ETV6: variants seen among roughly 807,000 people sequenced by gnomAD.
ETV6 encodes the protein transcription factor ETV6.
Under a neutral mutation model 51.1 loss-of-function variants are expected in ETV6, and 16 were observed. That is an observed-to-expected ratio of 0.31 (90% CI 0.21 to 0.48). The LOEUF is 0.48. Ranked by LOEUF, ETV6 falls within the 20% of genes least tolerant of loss-of-function variation. ETV6 has a pLI of 0.99. For synonymous variants in ETV6, 240 were observed against 224.1 expected (o/e 1.07, Z -0.64); for missense variants, 458 against 594.8 (o/e 0.77, Z 2.39).
At chr12:11,672,243 C>T (rs907548256) in intron 1 of ETV6, among the ~76,000 whole-genome samples, 3 of 152,062 alleles carry the variant, frequency 2.0e-5, no homozygotes, top group East Asian at 1.9e-4. Context: ...CAACCCAAAT[C>T]GAATCGCCTC....
chr12:11,715,519 C>G (rs1358626075), intron 1 of ETV6, among the ~76,000 whole-genome samples: 3 of 152,182 alleles, frequency 2.0e-5, no homozygotes, highest in Admixed American at 1.3e-4. Context: ...GTAACTCACC[C>G]AAGGTTTTGC....
At chr12:11,811,680 G>A (rs1175344861) in intron 2 of ETV6, among the ~76,000 whole-genome samples, 2 of 152,070 alleles carry the variant, frequency 1.3e-5, no homozygotes, top group African/African-American at 4.8e-5. Context: ...TGGTTGGAAC[G>A]AAGCAAAATA....
intron 1 of ETV6, among the ~76,000 whole-genome samples, chr12:11,743,547 G>A (rs1865850147): frequency 6.6e-6 from 1 of 152,122 alleles, no homozygotes; most frequent in African/African-American, 2.4e-5. Flanking sequence ...TGGGCCAGCA[G>A]TGGGGTAGTA....
intron 2 of ETV6, among the ~76,000 whole-genome samples, chr12:11,762,134 G>A (rs1381479375): frequency 6.6e-6 from 1 of 152,156 alleles, no homozygotes; most frequent in Non-Finnish European, 1.5e-5. Flanking sequence ...ATGAGAACTG[G>A]TGCCAGCTCC....
chr12:11,692,036 A>T (rs1410723978), intron 1 of ETV6, among the ~76,000 whole-genome samples: 1 of 152,186 alleles, frequency 6.6e-6, no homozygotes, highest in African/African-American at 2.4e-5. Flanking sequence ...GTCTCCTCCA[A>T]AATTCATGTT....
rs1044989361 is a variant in ETV6 at position 11,887,689 on chromosome 12, A to G, written c.1253+1663A>G. ...CTTGAACCCGGGAGGCAGAGGTTGC[A>G]GTGAGCTGAGATCGCGCCACTGCAC... On this transcript the variant is annotated intron_variant, in intron 7 of 7. Transcript: ENST00000396373. Among the ~76,000 whole-genome samples, 4 of 151,306 alleles carry G rather than the reference A, an allele frequency of 2.6e-5. No individual in the cohort carries two copies. The South Asian group carries it at 8.4e-4, about 32-fold the overall frequency.
intron 1 of ETV6, among the ~76,000 whole-genome samples, chr12:11,652,093 G>A (rs1438737721): frequency 6.6e-6 from 1 of 152,126 alleles, no homozygotes; most frequent in East Asian, 1.9e-4. Flanking sequence ...TTTCCTTATT[G>A]CTTACAACTC....
At chr12:11,839,446 G>C in intron 3 of ETV6, 142 bp downstream of exon 3, 1 of 863,400 alleles carries the variant, frequency 1.2e-6, no homozygotes, top group Non-Finnish European at 1.8e-6. Flanking sequence ...GAAGTTGAAG[G>C]AAGATTATGC....
chr12:11,763,354 CTG>C (rs1175610803), intron 2 of ETV6, among the ~76,000 whole-genome samples: 3 of 152,126 alleles, frequency 2.0e-5, no homozygotes, highest in Non-Finnish European at 4.4e-5. Context: ...ATCCAGGTAT[CTG>C]GGGTTTTATT....
chr12:11,781,527 AAC>A lies in ETV6; in HGVS notation c.163+28950_163+28951del, dbSNP rs1425364691. Among the ~76,000 whole-genome samples the A allele has an allele frequency of 3.9e-5, 6 of 152,222 alleles. 1 individual carries two copies. The South Asian group carries it at 1.0e-3, about 26-fold the overall frequency. On this transcript the variant is annotated intron_variant, in intron 2 of 7. Coordinates refer to ENST00000396373, the MANE Select transcript of ETV6 (RefSeq NM_001987.5). ...CAGCTTTGCCATTTACCCAAAATGA[AAC>A]AGTTACTTTAACAGTATTTTTCGTC... is the stretch of plus-strand genomic sequence containing the variant.
intron 2 of ETV6, among the ~76,000 whole-genome samples, chr12:11,825,220 A>G (rs1342629038): frequency 6.6e-6 from 1 of 152,260 alleles, no homozygotes. Flanking sequence ...GAAAGAATTA[A>G]AAGTAAAAGA....
chr12:11,805,350 C>T (rs939523326), intron 2 of ETV6, among the ~76,000 whole-genome samples: 1 of 152,220 alleles, frequency 6.6e-6, no homozygotes, highest in Non-Finnish European at 1.5e-5. Flanking sequence ...GCCATTGTTT[C>T]CTCTCCCATT....
chr12:11,813,112 G>C (rs996306976), intron 2 of ETV6, among the ~76,000 whole-genome samples: 1 of 152,240 alleles, frequency 6.6e-6, no homozygotes, highest in African/African-American at 2.4e-5. Context: ...GGAGCCAACA[G>C]CTTCAGCAAA....
intron 2 of ETV6, among the ~76,000 whole-genome samples, chr12:11,795,486 A>C (rs1218727511): frequency 6.6e-6 from 1 of 152,250 alleles, no homozygotes; most frequent in Non-Finnish European, 1.5e-5. Flanking sequence ...CAAAGTGAAC[A>C]ATTTCAGTCA....
rs1591600514 is a variant in ETV6, at chr12:11,674,653, G to A, written c.33+24493G>A. ...TGTGTGTGTGTGTGTGTGTGTGTGT[G>A]TGTGTGTGTTTGGTGTTTTCCCCAT... is the stretch of plus-strand genomic sequence containing the variant. On this transcript the variant is annotated intron_variant, in intron 1 of 7. Transcript: ENST00000396373. Among the ~76,000 whole-genome samples the A allele has an allele frequency of 5.4e-5, 7 of 129,994 alleles. No homozygotes were observed. The Admixed American group carries it at 5.6e-4, about 10-fold the overall frequency. The allele number at this position is 129,994 out of a possible 152,430, so 85.3% of individuals were successfully genotyped here. A position where few individuals can be genotyped will look rare whatever the true frequency, so the allele number is the denominator to read the frequency against.
intron 2 of ETV6, among the ~76,000 whole-genome samples, chr12:11,827,890 G>T (rs549560789): frequency 6.6e-6 from 1 of 152,200 alleles, no homozygotes; most frequent in Non-Finnish European, 1.5e-5. Context: ...GCACCCTCAG[G>T]AGAGTATCCA....
intron 1 of ETV6, 85 bp downstream of exon 1, chr12:11,650,245 G>A (rs1192713291): frequency 1.3e-5 from 15 of 1,191,124 alleles, no homozygotes; most frequent in Non-Finnish European, 1.8e-5. Flanking sequence ...CTCAGAGCAG[G>A]CTGTTGCAGT....
chr12:11,812,543 A>G (rs12823108), intron 2 of ETV6, among the ~76,000 whole-genome samples: 33,326 of 152,016 alleles, frequency 0.22, 3,795 homozygotes, highest in Middle Eastern at 0.27. Flanking sequence ...GGGGTGGTTG[A>G]GTACCTTGTC....
chr12:11,799,866 A>C (rs1198402985), intron 2 of ETV6, among the ~76,000 whole-genome samples: 1 of 152,192 alleles, frequency 6.6e-6, no homozygotes, highest in Non-Finnish European at 1.5e-5. Flanking sequence ...CCTGGGCTCA[A>C]GTGATCCTCC....
Sources: gnomAD v4.1 joint callset for allele counts (sites outside exome capture counted in the v4.1 genomes callset) on GRCh38, gnomAD v4.1.1 for gene constraint, MANE v1.5 for transcripts, NCBI Gene and HGNC (gene_info 2026-07-23, HGNC 2026-07-21) for gene names.